SLC6A13: variants seen among roughly 807,000 people sequenced by gnomAD.
SLC6A13 encodes solute carrier family 6 member 13.
SLC6A13 carries 69 observed loss-of-function variants against 72.9 expected under a neutral mutation model. That is an observed-to-expected ratio of 0.95 (90% confidence interval 0.78 to 1.16). SLC6A13 has a LOEUF of 1.16. Ranked by LOEUF, SLC6A13 falls within the 50% of genes most tolerant of loss-of-function variation. The pLI is 0.00. For synonymous variants in SLC6A13, 303 were observed against 303.0 expected (o/e 1.00, Z 0.00); for missense variants, 735 against 760.5 (o/e 0.97, Z 0.39).
At chr12:242,937 G>A (rs11613826) in intron 3 of SLC6A13, among the ~76,000 whole-genome samples, 183 bp from the exon 4 acceptor site, 10,993 of 152,056 alleles carry the variant, frequency 0.072, 494 homozygotes, top group Non-Finnish European at 0.095. Context: ...AAATAAAAAC[G>A]TAAAGAAAAT....
At chr12:244,727 A>G (rs989084819) in intron 2 of SLC6A13, among the ~76,000 whole-genome samples, 22 of 152,082 alleles carry the variant, frequency 1.4e-4, no homozygotes, top group African/African-American at 4.8e-4. Context: ...TCTGTCTTTT[A>G]TATGAATATT....
intron 2 of SLC6A13, among the ~76,000 whole-genome samples, chr12:255,850 ACCT>A (rs55990424): frequency 0.36 from 54,697 of 151,728 alleles, 12,807 homozygotes; most frequent in Non-Finnish European, 0.53. Context: ...CCCTGACCTT[ACCT>A]TCTATTCACT....
chr12:222,576 G>A lies in SLC6A13; in HGVS notation c.1471C>T (p.Leu491Phe), dbSNP rs540156724. The A allele has an allele frequency of 3.1e-6, 5 of 1,610,762 alleles. No individual in the cohort carries two copies. The South Asian group carries it at 5.5e-5, about 18-fold the overall frequency. Residue 491 changes from leucine to phenylalanine, a missense_variant, in exon 13 of 15, where the codon CTT becomes TTT. By Grantham distance (22) the Leu-to-Phe change is conservative (BLOSUM62 0). Coordinates refer to ENST00000343164, the MANE Select transcript of SLC6A13 (RefSeq NM_016615.5). ...EDMIGYRPWP[L>F]IKYCWLFLTP... ...AGGAAGAGCCAACAGTATTTGATAA[G>A]AGGCCATGGCCTGTACCCAATCATG...
chr12:240,273 G>A (rs576239569), intron 4 of SLC6A13, among the ~76,000 whole-genome samples: 6 of 152,106 alleles, frequency 3.9e-5, no homozygotes, highest in South Asian at 2.1e-4. Flanking sequence ...GCACAATCTC[G>A]GCTCACTGCA....
intron 4 of SLC6A13, among the ~76,000 whole-genome samples, chr12:241,767 T>C (rs1489180001): frequency 1.3e-5 from 2 of 152,262 alleles, no homozygotes; most frequent in Non-Finnish European, 2.9e-5. Flanking sequence ...TTACTTTTTA[T>C]ACATTAGACT....
intron 2 of SLC6A13, among the ~76,000 whole-genome samples, chr12:245,536 C>G (rs1459392310): frequency 6.6e-6 from 1 of 151,986 alleles, no homozygotes; most frequent in Non-Finnish European, 1.5e-5. Flanking sequence ...AAAAATTAGC[C>G]TGGCATGGTG....
intron 7 of SLC6A13, 95 bp from the exon 8 acceptor site, chr12:227,763 G>T: frequency 1.9e-6 from 2 of 1,044,670 alleles, no homozygotes; most frequent in African/African-American, 1.6e-5. Flanking sequence ...CCAGACACTG[G>T]CTAGGGATGG....
Position 259,757 on chromosome 12 carries a change from A to G in SLC6A13, c.202+94T>C, listed in dbSNP as rs754320708. On this transcript the variant is annotated intron_variant, in intron 2 of 14. Coordinates refer to ENST00000343164, the MANE Select transcript of SLC6A13 (RefSeq NM_016615.5). ...TCCTCCTACCTCCAGAATTCTATAC[A>G]TCTATGGGACTCCCCAGAGGGGCCG... 4 of 1,613,116 alleles carry G rather than the reference A, an allele frequency of 2.5e-6. No homozygotes were observed. The South Asian group carries it at 4.4e-5, about 18-fold the overall frequency.
intron 4 of SLC6A13, 38 bp from the exon 5 acceptor site, chr12:238,048 T>A: frequency 6.3e-7 from 1 of 1,599,864 alleles, no homozygotes; most frequent in Admixed American, 1.7e-5. Flanking sequence ...AAGAGAAAAA[T>A]CATCAGCCAG....
Position 259,868 on chromosome 12 carries a change from C to G in SLC6A13, c.185G>C (p.Cys62Ser), listed in dbSNP as rs1283370453. The G allele has an allele frequency of 1.9e-5, 31 of 1,614,054 alleles. No individual in the cohort carries two copies. The Admixed American group carries it at 4.7e-4, about 24-fold the overall frequency. ...LGNVWRFPYLCYKNGGGAFFI... is the reference protein window; with the variant it reads ...LGNVWRFPYLSYKNGGGAFFI... ...CATCTCACCTCCCCCATTTTTGTAG[C>G]AGAGATAGGGAAACCTCCAGACGTT... Residue 62 changes from cysteine (C) to serine (S), a missense_variant, in exon 2 of 15, where the codon TGC (cysteine) becomes TCC (serine). Cys to Ser is a moderately radical substitution (Grantham distance 112). Coordinates refer to ENST00000343164, the MANE Select transcript of SLC6A13 (RefSeq NM_016615.5).
chr12:227,203 G>A (rs1565490643), intron 8 of SLC6A13, among the ~76,000 whole-genome samples: 1 of 151,776 alleles, frequency 6.6e-6, no homozygotes, highest in Non-Finnish European at 1.5e-5. Flanking sequence ...AATGAAACCA[G>A]TTTTTTTTCT....
intron 6 of SLC6A13, 194 bp downstream of exon 6, chr12:236,964 T>A: frequency 1.7e-6 from 1 of 573,268 alleles, no homozygotes; most frequent in East Asian, 2.8e-5. Context: ...TTTCTCGCTC[T>A]CTTCCAGTCC....
intron 2 of SLC6A13, among the ~76,000 whole-genome samples, chr12:249,392 T>C (rs1217958463): frequency 6.6e-6 from 1 of 152,036 alleles, no homozygotes; most frequent in Non-Finnish European, 1.5e-5. Context: ...GATAATAAAA[T>C]TGATAAAATT....
intron 7 of SLC6A13, among the ~76,000 whole-genome samples, chr12:233,466 G>C (rs375922501): frequency 6.6e-6 from 1 of 152,214 alleles, no homozygotes; most frequent in South Asian, 2.1e-4. Context: ...TGCAGACCAC[G>C]AAGGAAGGGT....
intron 4 of SLC6A13, chr12:238,485 C>A: frequency 2.3e-6 from 1 of 443,366 alleles, no homozygotes. Context: ...TGTTTTGCTT[C>A]GCTCGTCTCT....
chr12:239,711 G>A (rs1591843892), intron 4 of SLC6A13, among the ~76,000 whole-genome samples: 1 of 152,060 alleles, frequency 6.6e-6, no homozygotes, highest in Non-Finnish European at 1.5e-5. Context: ...CCATATTTCT[G>A]GTGCTCAGAA....
At chr12:228,089 C>G (rs1238717078) in intron 7 of SLC6A13, among the ~76,000 whole-genome samples, 1 of 152,078 alleles carries the variant, frequency 6.6e-6, no homozygotes, top group South Asian at 2.1e-4. Context: ...GCAGGGCCAC[C>G]ACCAGTATGT....
At chr12:262,683 A>G (rs1942965612) in intron 1 of SLC6A13, 106 bp downstream of exon 1, 1 of 985,120 alleles carries the variant, frequency 1.0e-6, no homozygotes, top group Non-Finnish European at 1.2e-6. Context: ...CGTACTTTCT[A>G]GGCGAGGGTA....
rs972152574 is a variant in SLC6A13 at position 243,742 on chromosome 12, G to C, written c.274C>G (p.Leu92Val). ...CCTCCCTGGCTAGTGTACTGGCCTA[G>C]TGCTGTCTCCAGAAGGAAGACAGGA... Reference protein sequence around the residue: ...GIPVFLLETALGQYTSQGGVT... With the variant: ...GIPVFLLETAVGQYTSQGGVT... The change falls in exon 3 of 15, where the codon CTA becomes GTA. Residue 92 changes from leucine to valine, a missense_variant. Transcript: ENST00000343164. 1 of 1,614,110 alleles carries C rather than the reference G, an allele frequency of 6.2e-7. No homozygotes were observed. The highest frequency in any genetic ancestry group is 8.5e-7 in the Non-Finnish European group (1 of 1,179,922).
Sources: allele counts gnomAD v4.1 joint callset (sites outside exome capture counted in the v4.1 genomes callset), GRCh38; gene constraint gnomAD v4.1.1; transcripts MANE v1.5; gene names NCBI Gene and HGNC (gene_info 2026-07-23, HGNC 2026-07-21).